CDH8: variants seen among roughly 807,000 people sequenced by gnomAD.
CDH8 encodes the protein cadherin-8.
A neutral mutation model predicts 68.1 loss-of-function variants in CDH8; 17 were observed. That is an observed-to-expected ratio of 0.25 (90% CI 0.17 to 0.37). The LOEUF is 0.37. CDH8 is among the 10% of genes least tolerant of loss of function. The probability of loss-of-function intolerance (pLI) is 1.00; values close to 1 mark genes in which losing one functional copy is unlikely to be tolerated. For synonymous variants in CDH8, 372 were observed against 365.1 expected (o/e 1.02, Z -0.21); for missense variants, 763 against 999.3 (o/e 0.76, Z 3.19).
At chr16:61,988,567 A>G (rs1965664728) in intron 2 of CDH8, among the ~76,000 whole-genome samples, 1 of 151,730 alleles carries the variant, frequency 6.6e-6, no homozygotes. Context: ...TGCAAATACC[A>G]AAGCAACAGC....
intron 2 of CDH8, among the ~76,000 whole-genome samples, chr16:61,912,493 T>C (rs1338329154): frequency 6.6e-6 from 1 of 152,082 alleles, no homozygotes; most frequent in South Asian, 2.1e-4. Context: ...GGTTGATGGA[T>C]GGCTAGGTGA....
intron 8 of CDH8, among the ~76,000 whole-genome samples, chr16:61,731,790 G>T (rs1245908785): frequency 6.6e-6 from 1 of 151,734 alleles, no homozygotes; most frequent in Non-Finnish European, 1.5e-5. Context: ...AATCATATGT[G>T]AGAGTGACCA....
chr16:61,888,850 T>C (rs1351495252), intron 3 of CDH8, among the ~76,000 whole-genome samples: 1 of 152,184 alleles, frequency 6.6e-6, no homozygotes, highest in African/African-American at 2.4e-5. Flanking sequence ...CCATCCCCAA[T>C]GTATTTCCTG....
intron 8 of CDH8, among the ~76,000 whole-genome samples, chr16:61,755,393 A>G (rs567104300): frequency 6.6e-6 from 1 of 152,298 alleles, no homozygotes; most frequent in South Asian, 2.1e-4. Flanking sequence ...TTATATATTT[A>G]TTAAATGTGT....
intron 10 of CDH8, among the ~76,000 whole-genome samples, chr16:61,696,044 C>T (rs1324046804): frequency 6.6e-6 from 1 of 152,136 alleles, no homozygotes; most frequent in Non-Finnish European, 1.5e-5. Context: ...TCACATCTCA[C>T]AATGACATAT....
At chr16:61,739,922 T>TG (rs1959818174) in intron 8 of CDH8, among the ~76,000 whole-genome samples, 1 of 143,866 alleles carries the variant, frequency 7.0e-6, no homozygotes, top group Admixed American at 7.0e-5. Context: ...TGTATTTTTT[T>TG]TTTTGAGACA....
At chr16:61,996,042 A>G (rs527926223) in intron 2 of CDH8, among the ~76,000 whole-genome samples, 12 of 152,340 alleles carry the variant, frequency 7.9e-5, no homozygotes, top group East Asian at 5.8e-4. Flanking sequence ...TTAAAGACAT[A>G]TGTCTCCTTC....
intron 2 of CDH8, among the ~76,000 whole-genome samples, chr16:61,960,015 T>TATATATATATATATATATATAC (rs1198530274): frequency 2.7e-5 from 2 of 73,234 alleles, no homozygotes; most frequent in Non-Finnish European, 4.7e-5. Context: ...TATATATATA[T>TATATATATATATATATATATAC]ACACACATAC....
intron 5 of CDH8, among the ~76,000 whole-genome samples, chr16:61,823,803 T>C (rs578242503): frequency 1.3e-4 from 20 of 152,042 alleles, no homozygotes; most frequent in African/African-American, 4.6e-4. Context: ...GCTGCAGCAC[T>C]TTCCCCTGGC....
chr16:61,953,246 T>A (rs966361472), intron 2 of CDH8, among the ~76,000 whole-genome samples: 2 of 152,038 alleles, frequency 1.3e-5, no homozygotes, highest in East Asian at 3.9e-4. Context: ...AGCTCAAGGG[T>A]AGAGGAATAA....
At chr16:61,891,564 A>G (rs1963778616) in intron 3 of CDH8, among the ~76,000 whole-genome samples, 1 of 152,150 alleles carries the variant, frequency 6.6e-6, no homozygotes, top group Non-Finnish European at 1.5e-5. Context: ...CACTTTCATT[A>G]TAAAGTTAAA....
chr16:61,860,566 C>G (rs1475018633), intron 3 of CDH8, among the ~76,000 whole-genome samples: 1 of 151,792 alleles, frequency 6.6e-6, no homozygotes, highest in African/African-American at 2.4e-5. Flanking sequence ...GTTTTGTAGT[C>G]TAGTGTATTC....
chr16:61,856,246 A>G (rs1163912436), intron 4 of CDH8, among the ~76,000 whole-genome samples: 1 of 152,112 alleles, frequency 6.6e-6, no homozygotes, highest in Non-Finnish European at 1.5e-5. Flanking sequence ...AAACTTACAT[A>G]CAATACCACT....
intron 2 of CDH8, among the ~76,000 whole-genome samples, chr16:61,978,585 G>C (rs1965480472): frequency 6.6e-6 from 1 of 151,618 alleles, no homozygotes; most frequent in African/African-American, 2.4e-5. Context: ...TTTGACTATT[G>C]GCCATCTATT....
intron 2 of CDH8, among the ~76,000 whole-genome samples, chr16:61,954,134 C>A (rs145598872): frequency 6.6e-6 from 1 of 151,946 alleles, no homozygotes; most frequent in East Asian, 2.0e-4. Context: ...GGGAGTAATG[C>A]ACTAGGCTGA....
chr16:62,016,359 T>C (rs1341946419), intron 2 of CDH8, among the ~76,000 whole-genome samples: 2 of 152,222 alleles, frequency 1.3e-5, no homozygotes, highest in Non-Finnish European at 2.9e-5. Flanking sequence ...AATGAAATGC[T>C]CTGCAGATAG....
At position 61,651,118 on chromosome 16, in the gene CDH8, G is replaced by A. The variant is rs1406084251; in HGVS notation, c.*2490C>T. 6.6e-6 allele frequency: 1 copy of A among 151,976 alleles called. No homozygotes were observed. Among genetic ancestry groups the A allele is most frequent in the African/African-American group, 2.4e-5 (1 of 41,368 alleles). The allele number at this position is 151,976 out of a possible 1,614,324, so 9.4% of individuals were successfully genotyped here. ...ACATATTTGTGTGTCTATAATCTTT[G>A]GGCACTTCAAAGTACACTAGAAATG... On this transcript the variant is annotated 3_prime_UTR_variant, in exon 12 of 12. Coordinates refer to ENST00000577390, the MANE Select transcript of CDH8 (RefSeq NM_001796.5).
chr16:61,982,624 T>C (rs1050790670), intron 2 of CDH8, among the ~76,000 whole-genome samples: 1 of 152,202 alleles, frequency 6.6e-6, no homozygotes, highest in African/African-American at 2.4e-5. Context: ...ATGTGTTAAC[T>C]CGATAAGTTA....
intron 7 of CDH8, among the ~76,000 whole-genome samples, chr16:61,799,448 C>T (rs549573031): frequency 6.6e-6 from 1 of 152,066 alleles, no homozygotes; most frequent in African/African-American, 2.4e-5. Context: ...ATTAATTTTT[C>T]ATTTAATCTT....
Sources: gnomAD v4.1 joint callset for allele counts (sites outside exome capture counted in the v4.1 genomes callset) on GRCh38, gnomAD v4.1.1 for gene constraint, MANE v1.5 for transcripts, NCBI Gene and HGNC (gene_info 2026-07-23, HGNC 2026-07-21) for gene names.